The following PHF1 variants were observed in gnomAD, a reference collection of about 807,000 sequenced individuals.
PHF1 encodes PHD finger protein 1.
A neutral mutation model predicts 69.4 loss-of-function variants in PHF1; 16 were observed. The observed-to-expected ratio is 0.23, with a 90% CI of 0.16 to 0.35. The LOEUF (loss-of-function observed/expected upper bound fraction) is 0.35, where lower values mean the gene tolerates loss of function less well. Among genes scored for constraint, PHF1 ranks in the 10% least tolerant of loss-of-function variants. The pLI, the probability that PHF1 is intolerant of heterozygous loss-of-function variation, is 1.00. For synonymous variants in PHF1, 274 were observed against 275.0 expected (o/e 1.00, Z 0.04); for missense variants, 515 against 732.8 (o/e 0.70, Z 3.43).
Position 33,413,574 on chromosome 6 carries a change from G to T in PHF1, c.587+17G>T. On this transcript the variant is annotated intron_variant, in intron 6 of 14. Coordinates refer to ENST00000374516, the MANE Select transcript of PHF1 (RefSeq NM_024165.3). Reference sequence around the variant, plus strand: ...CCCTGGGGAGTGAGTAATGAGAGGGGAGCAGACTGTGGAATGAATGATGTG... The same window carrying T: ...CCCTGGGGAGTGAGTAATGAGAGGGTAGCAGACTGTGGAATGAATGATGTG... 1.2e-6 allele frequency: 2 copies of T among 1,614,088 alleles called. No individual in the cohort carries two copies. The highest frequency in any genetic ancestry group is 1.7e-6 in the Non-Finnish European group (2 of 1,179,970).
rs1032617124 is a variant in PHF1 at position 33,414,325 on chromosome 6, C to T, written c.835C>T (p.Pro279Ser). The stretch of plus-strand genomic sequence containing the variant: ...CTTTGATTTTGATCGTGAGATCCTC[C>T]CCTTCACTTCTGAGAATTGGGACAG... The part of the protein sequence containing the change: ...KYFDFDREIL[P>S]FTSENWDSLL... Residue 279 changes from proline (P) to serine (S), a missense_variant, in exon 9 of 15, where the codon CCC (proline) becomes TCC (serine). Around this residue, in one of 5 missense-constraint regions of PHF1, gnomAD observed 142 missense variants for 309.7 expected, o/e 0.46. Transcript: ENST00000374516. This position sits in a 1 kb window ranked among gnomAD's most constrained non-coding sequence, Gnocchi z 5.0. 2.5e-6 allele frequency: 4 copies of T among 1,613,950 alleles called. No individual in the cohort carries two copies. Among genetic ancestry groups the T allele is most frequent in the African/African-American group, 1.3e-5 (1 of 74,870 alleles).
chr6:33,414,903 G>T lies in PHF1; in HGVS notation c.1050-52G>T, dbSNP rs958692636. 3.3e-6 allele frequency: 5 copies of T among 1,534,456 alleles called. No individual in the cohort carries two copies. Among genetic ancestry groups the T allele is most frequent in the Non-Finnish European group, 4.4e-6 (5 of 1,137,800 alleles). ...GGGGGTATATGTATAGAGATGGGGA[G>T]GTCTTGGGGGTGTCCGGGAGGGGGC... On this transcript the variant is annotated intron_variant, in intron 11 of 14. Transcript: ENST00000374516. This position sits in a 1 kb window ranked among gnomAD's most constrained non-coding sequence, Gnocchi z 5.0.
rs1033490099 is a variant in PHF1, at chr6:33,415,346, C to T, written c.1334+17C>T. On this transcript the variant is annotated intron_variant, in intron 13 of 14. Transcript: ENST00000374516. ...CCTGCCCAGGTCAGTGCTCCTCTGCCCCTCCCCCACAAAATATGCTCCCAA... is the reference window on the plus strand; with the variant it reads ...CCTGCCCAGGTCAGTGCTCCTCTGCTCCTCCCCCACAAAATATGCTCCCAA... The T allele has an allele frequency of 1.4e-5, 22 of 1,578,230 alleles. No homozygotes were observed. Among genetic ancestry groups the T allele is most frequent in the African/African-American group, 5.4e-5 (4 of 74,060 alleles).
In PHF1 at chr6:33,414,964, A is replaced by T. The variant is rs1198461658; in HGVS notation, c.1059A>T (p.Ser353=). ...AGGAGGCCTCTTACAGCTTCCCTTCAGGGCAGGGCCCTGGGGGAGGGGTCT... is the reference window on the plus strand; with the variant it reads ...AGGAGGCCTCTTACAGCTTCCCTTCTGGGCAGGGCCCTGGGGGAGGGGTCT... ...TGDGALTSFP[S]GQGPGGGVSR... is the part of the protein sequence containing the mutation. The change falls in exon 12 of 15, where the codon TCA becomes TCT. Residue 353 remains serine, a synonymous_variant. Coordinates refer to ENST00000374516, the MANE Select transcript of PHF1 (RefSeq NM_024165.3). The surrounding 1 kb of genome is among the most constrained non-coding windows in gnomAD (Gnocchi z 5.0). 3 of 1,534,836 alleles carry T rather than the reference A, an allele frequency of 2.0e-6. No individual in the cohort carries two copies. The highest frequency in any genetic ancestry group is 2.6e-6 in the Non-Finnish European group (3 of 1,139,828).
rs1428560410 is a variant in PHF1 at position 33,414,509 on chromosome 6, C to G, written c.909C>G (p.Ser303=). 3.1e-6 allele frequency: 5 copies of G among 1,613,830 alleles called. No homozygotes were observed. The highest frequency in any genetic ancestry group is 2.7e-5 in the African/African-American group (2 of 74,874). The change falls in exon 10 of 15, where the codon TCC becomes TCG. Residue 303 remains serine (S), a synonymous_variant. Transcript: ENST00000374516. The surrounding 1 kb of genome is among the most constrained non-coding windows in gnomAD (Gnocchi z 5.0). ...ACACCCCCAAAGGAGAACGTTCTTC[C>G]AGGCTCCTCTCTGCTCTTAACAGCC... ...LSDTPKGERS[S]RLLSALNSHK...
In PHF1 at chr6:33,414,585, A is replaced by G. The variant is rs376342940; in HGVS notation, c.944+41A>G. On this transcript the variant is annotated intron_variant, in intron 10 of 14. Coordinates refer to ENST00000374516, the MANE Select transcript of PHF1 (RefSeq NM_024165.3). The surrounding 1 kb of genome is among the most constrained non-coding windows in gnomAD (Gnocchi z 5.0). ...GAGGAGGCAAGGATGAGGCTCGGAAAGAGATGGAGAGTGGAAGCCTGGAAG... is the reference window on the plus strand; with the variant it reads ...GAGGAGGCAAGGATGAGGCTCGGAAGGAGATGGAGAGTGGAAGCCTGGAAG... 234 of 1,602,792 alleles carry G rather than the reference A, an allele frequency of 1.5e-4. No homozygotes were observed. Among genetic ancestry groups the G allele is most frequent in the Non-Finnish European group, 2.2e-5 (26 of 1,169,990 alleles).
Position 33,416,174 on chromosome 6 carries a change from C to A in PHF1, c.*76C>A. 7.8e-7 allele frequency: 1 copy of A among 1,289,198 alleles called. No individual in the cohort carries two copies. Among genetic ancestry groups the A allele is most frequent in the Middle Eastern group, 2.5e-4 (1 of 4,050 alleles). The allele number at this position is 1,289,198 out of a possible 1,614,324, so 79.9% of individuals were successfully genotyped here. ...CCCTGACCTCTGACCTCACCTACAG[C>A]TGGGATGTACCTGGAGAGATAGGGG... On this transcript the variant is annotated 3_prime_UTR_variant, in exon 15 of 15. Coordinates refer to ENST00000374516, the MANE Select transcript of PHF1 (RefSeq NM_024165.3).
rs113984757 is a variant in PHF1 at position 33,416,285 on chromosome 6, A to AC, written c.*191dup. 10 of 495,472 alleles carry AC rather than the reference A, an allele frequency of 2.0e-5. No homozygotes were observed. The highest frequency in any genetic ancestry group is 1.8e-4 in the African/African-American group (9 of 51,202). 30.7% of individuals were successfully genotyped at this position (495,472 alleles called of 1,614,324 possible). ...TCTCTACCCTCCTTCATGATTCCTG[A>AC]CCCCTCCCATCCTTCCCATTTCCTT... is the stretch of plus-strand genomic sequence containing the variant. On this transcript the variant is annotated 3_prime_UTR_variant, in exon 15 of 15. Coordinates refer to ENST00000374516, the MANE Select transcript of PHF1 (RefSeq NM_024165.3).
chr6:33,414,336 T>C lies in PHF1; in HGVS notation c.846T>C (p.Ser282=). The change falls in exon 9 of 15, where the codon TCT becomes TCC. Residue 282 remains serine (S), a synonymous_variant. Coordinates refer to ENST00000374516, the MANE Select transcript of PHF1 (RefSeq NM_024165.3). This position sits in a 1 kb window ranked among gnomAD's most constrained non-coding sequence, Gnocchi z 5.0. ...DFDREILPFT[S]ENWDSLLLGE... is the part of the protein sequence containing the mutation. Reference sequence around the variant, plus strand: ...ATCGTGAGATCCTCCCCTTCACTTCTGAGAATTGGGACAGTTTGCTCCTGG... The same window carrying C: ...ATCGTGAGATCCTCCCCTTCACTTCCGAGAATTGGGACAGTTTGCTCCTGG... 6.2e-7 allele frequency: 1 copy of C among 1,614,152 alleles called. No homozygotes were observed. The highest frequency in any genetic ancestry group is 8.5e-7 in the Non-Finnish European group (1 of 1,180,014).
chr6:33,416,149 C>G lies in PHF1; in HGVS notation c.*51C>G, dbSNP rs561932287. On this transcript the variant is annotated 3_prime_UTR_variant, in exon 15 of 15. Transcript: ENST00000374516. The stretch of plus-strand genomic sequence containing the variant: ...ATTCACACACACCGGCACTTTCATA[C>G]CCTGACCTCTGACCTCACCTACAGC... 5 of 1,451,418 alleles carry G rather than the reference C, an allele frequency of 3.4e-6. No homozygotes were observed. The African/African-American group carries it at 5.6e-5, about 16-fold the overall frequency. The allele number at this position is 1,451,418 out of a possible 1,614,324, so 89.9% of individuals were successfully genotyped here.
rs1209041717 is a variant in PHF1, at chr6:33,415,899, C to T, written c.1505C>T (p.Ser502Phe). 2 of 1,613,328 alleles carry T rather than the reference C, an allele frequency of 1.2e-6. No individual in the cohort carries two copies. Among genetic ancestry groups the T allele is most frequent in the Admixed American group, 1.7e-5 (1 of 59,938 alleles). Reference sequence around the variant, plus strand: ...ACTGCCTCATCTTCCTCAGTTTCATCCCCATCCCCAGGTCTTCCTAGACGC... The same window carrying T: ...ACTGCCTCATCTTCCTCAGTTTCATTCCCATCCCCAGGTCTTCCTAGACGC... ...SMTASSSSVS[S>F]PSPGLPRRSA... is the part of the protein sequence containing the mutation. Residue 502 changes from serine to phenylalanine, a missense_variant, in exon 15 of 15, where the codon TCC (serine) becomes TTC (phenylalanine). Ser to Phe is a radical substitution (Grantham distance 155). Coordinates refer to ENST00000374516, the MANE Select transcript of PHF1 (RefSeq NM_024165.3).
Position 33,415,576 on chromosome 6 carries a change from C to A in PHF1, c.1335-14C>A, listed in dbSNP as rs1776409306. On this transcript the variant is annotated splice_polypyrimidine_tract_variant and intron_variant, in intron 13 of 14. Transcript: ENST00000374516. ...CCCTGCTTCAGGTCCTGACTTTCCC[C>A]ACTCCAACCCCAGCAGCCCCATCCG... The A allele has an allele frequency of 6.2e-7, 1 of 1,613,686 alleles. No homozygotes were observed. The highest frequency in any genetic ancestry group is 1.7e-5 in the Admixed American group (1 of 59,994).
Position 33,414,470 on chromosome 6 carries a change from C to T in PHF1, c.877-7C>T. On this transcript the variant is annotated splice_region_variant and splice_polypyrimidine_tract_variant and intron_variant, in intron 9 of 14. Transcript: ENST00000374516. The surrounding 1 kb of genome is among the most constrained non-coding windows in gnomAD (Gnocchi z 5.0). ...CCCCTGGCCCCATTTTTCTTCATTT[C>T]TCCCAGCTTTCAGACACCCCCAAAG... is the stretch of plus-strand genomic sequence containing the variant. 2.5e-6 allele frequency: 4 copies of T among 1,613,948 alleles called. No homozygotes were observed. The highest frequency in any genetic ancestry group is 3.4e-6 in the Non-Finnish European group (4 of 1,179,902).
At chr6:33,410,412 G>A (rs936529361), upstream of PHF1, 4 of 151,998 alleles carry the variant, frequency 2.6e-5, no homozygotes, top group Non-Finnish European at 4.4e-5. Flanking sequence ...CACGGGGCGG[G>A]ACGTCCACGG....
Position 33,416,007 on chromosome 6 carries a change from G to A in PHF1, c.1613G>A (p.Arg538Gln), listed in dbSNP as rs376639282. Residue 538 changes from arginine (R) to glutamine (Q), a missense_variant, in exon 15 of 15, where the codon CGA becomes CAA. Physicochemically the swap from Arg to Gln is conservative, Grantham distance 43. This residue lies in a region of PHF1 where 274 missense variants were observed against 304.5 expected (regional missense o/e 0.90). Transcript: ENST00000374516. ...CGAGGTGGGGTTGGTTACCTGTCCCGAGGGGACCCTGTCCGGGTCCTTGCT... is the reference window on the plus strand; with the variant it reads ...CGAGGTGGGGTTGGTTACCTGTCCCAAGGGGACCCTGTCCGGGTCCTTGCT... ...GVRGGVGYLS[R>Q]GDPVRVLARR... 67 of 1,613,618 alleles carry A rather than the reference G, an allele frequency of 4.2e-5. No homozygotes were observed. Among genetic ancestry groups the A allele is most frequent in the Admixed American group, 1.0e-4 (6 of 59,930 alleles).
intron 13 of PHF1, 93 bp downstream of exon 13, chr6:33,415,422 C>T: frequency 8.0e-7 from 1 of 1,249,642 alleles, no homozygotes; most frequent in Non-Finnish European, 1.2e-6. Context: ...CCCTCTCCCC[C>T]TTGGCTACCC....
intron 14 of PHF1, 29 bp downstream of exon 14, chr6:33,415,699 T>C (rs1277381982): frequency 1.2e-6 from 2 of 1,611,446 alleles, no homozygotes; most frequent in East Asian, 4.5e-5. Context: ...TTACCAGTGA[T>C]GCTCTTCTTC....
rs1402853617 is a variant in PHF1, at chr6:33,413,718, TC to T, written c.588-16del. ...GAAGGGGGTTTCTGGAGGCCAGAAG[TC>T]CTGTGTTCCCCCTCAGGTGGAACCT... On this transcript the variant is annotated splice_polypyrimidine_tract_variant and intron_variant, in intron 6 of 14. Transcript: ENST00000374516. 1 of 1,610,920 alleles carries T rather than the reference TC, an allele frequency of 6.2e-7. No individual in the cohort carries two copies.
At position 33,416,011 on chromosome 6, in the gene PHF1, G is replaced by T. The variant is rs779913147; in HGVS notation, c.1617G>T (p.Gly539=). ...VRGGVGYLSR[G]DPVRVLARRV... ...GTGGGGTTGGTTACCTGTCCCGAGGGGACCCTGTCCGGGTCCTTGCTCGGA... is the reference window on the plus strand; with the variant it reads ...GTGGGGTTGGTTACCTGTCCCGAGGTGACCCTGTCCGGGTCCTTGCTCGGA... Residue 539 remains glycine, a synonymous_variant, in exon 15 of 15, where the codon GGG becomes GGT. Transcript: ENST00000374516. 2 of 1,613,530 alleles carry T rather than the reference G, an allele frequency of 1.2e-6. No individual in the cohort carries two copies. Among genetic ancestry groups the T allele is most frequent in the Middle Eastern group, 1.7e-4 (1 of 6,050 alleles).
Sources: gnomAD v4.1 joint callset for allele counts on GRCh38, gnomAD v4.1.1 for gene constraint, gnomAD v4.1.1 regional missense constraint, Gnocchi (gnomAD v3.1) non-coding constraint, MANE v1.5 for transcripts, NCBI Gene and HGNC (gene_info 2026-07-23, HGNC 2026-07-21) for gene names.